The following AGBL1 variants were observed in gnomAD, a reference collection of about 807,000 sequenced individuals.
The protein encoded by AGBL1 is cytosolic carboxypeptidase 4.
Under a neutral mutation model 118.9 loss-of-function variants are expected in AGBL1, and 130 were observed. The observed-to-expected ratio is 1.09, with a 90% confidence interval of 0.95 to 1.26. The LOEUF (loss-of-function observed/expected upper bound fraction) is 1.26, where lower values mean the gene tolerates loss of function less well. Ranked by LOEUF, AGBL1 falls within the 50% of genes most tolerant of loss-of-function variation. The pLI, the probability that AGBL1 is intolerant of heterozygous loss-of-function variation, is 0.00. For missense variants in AGBL1, 1,584 were observed against 1,298.1 expected (o/e 1.22, Z -3.38); for synonymous variants, 555 against 478.9 (o/e 1.16, Z -2.08).
At chr15:86,898,188 G>A (rs572703791) in intron 22 of AGBL1, among the ~76,000 whole-genome samples, 49 of 152,244 alleles carry the variant, frequency 3.2e-4, no homozygotes, top group African/African-American at 1.0e-3. Flanking sequence ...ACATTTTTGG[G>A]AAATTTAGTA....
rs1896319963 is a variant in AGBL1, at chr15:86,095,646, C to CTTTTTTTTTTTTTTTTTTTTTTTTT, written c.51+15623_51+15624insTTTTTTTTTTTTTTTTTTTTTTTTT. Among the ~76,000 whole-genome samples the CTTTTTTTTTTTTTTTTTTTTTTTTT allele has an allele frequency of 3.4e-5, 4 of 116,684 alleles. 2 individuals are homozygous for CTTTTTTTTTTTTTTTTTTTTTTTTT. Among genetic ancestry groups the CTTTTTTTTTTTTTTTTTTTTTTTTT allele is most frequent in the Non-Finnish European group, 7.0e-5 (4 of 57,540 alleles). 76.5% of individuals were successfully genotyped at this position (116,684 alleles called of 152,430 possible). On this transcript the variant is annotated intron_variant, in intron 1 of 22. Transcript: ENST00000614907. ...TCATAATGTCACATGACCTTGGATACCTTTTTTTTTTTTTTTTTTTTTTTT... is the reference window on the plus strand; with the variant it reads ...TCATAATGTCACATGACCTTGGATACTTTTTTTTTTTTTTTTTTTTTTTTTCTTTTTTTTTTTTTTTTTTTTTTTT...
chr15:86,740,741 G>A lies in AGBL1; in HGVS notation c.3158+66305G>A, dbSNP rs187460220. Reference sequence around the variant, plus strand: ...AAGAAAAAGAAGGTGTTCTATTCAGGATCTTTTTACTGGCAAAGATAAGGA... The same window carrying A: ...AAGAAAAAGAAGGTGTTCTATTCAGAATCTTTTTACTGGCAAAGATAAGGA... On this transcript the variant is annotated intron_variant, in intron 22 of 22. Coordinates refer to ENST00000614907, the MANE Select transcript of AGBL1 (RefSeq NM_001386094.1). 3.6e-3 allele frequency among the ~76,000 whole-genome samples: 547 copies of A among 152,232 alleles called. 1 individual carries two copies. Among genetic ancestry groups the A allele is most frequent in the South Asian group, 0.01 (50 of 4,824 alleles).
At chr15:86,476,767 A>G (rs992535480) in intron 18 of AGBL1, among the ~76,000 whole-genome samples, 1 of 152,210 alleles carries the variant, frequency 6.6e-6, no homozygotes, top group Non-Finnish European at 1.5e-5. Context: ...CCCCAAATCA[A>G]CAGAATATAC....
Position 86,264,202 on chromosome 15 carries a change from G to T in AGBL1, c.1087-56G>T, listed in dbSNP as rs2079035283. On this transcript the variant is annotated intron_variant, in intron 10 of 22. Coordinates refer to ENST00000614907, the MANE Select transcript of AGBL1 (RefSeq NM_001386094.1). ...AGAGAGTAAGGACAGGGATCAAATT[G>T]TATTCCCTACCTGGAAGGACACACT... is the stretch of plus-strand genomic sequence containing the variant. 5 of 1,356,260 alleles carry T rather than the reference G, an allele frequency of 3.7e-6. No individual in the cohort carries two copies. In the East Asian group the frequency reaches 7.5e-5, roughly 20 times the overall value. 84.0% of individuals were successfully genotyped at this position (1,356,260 alleles called of 1,614,324 possible).
intron 21 of AGBL1, among the ~76,000 whole-genome samples, chr15:86,625,360 T>C (rs2084867187): frequency 7.9e-6 from 1 of 127,268 alleles, no homozygotes; most frequent in Middle Eastern, 3.9e-3. Flanking sequence ...GTAGAAGAAA[T>C]TAGCGTTTTT....
chr15:86,948,950 A>G (rs1020501898), intron 23 of AGBL1, among the ~76,000 whole-genome samples: 1 of 152,224 alleles, frequency 6.6e-6, no homozygotes, highest in Non-Finnish European at 1.5e-5. Context: ...TTGATGTAAC[A>G]TCTCTAACTG....
intron 6 of AGBL1, among the ~76,000 whole-genome samples, chr15:86,226,875 T>C (rs866896461): frequency 1.3e-5 from 2 of 152,192 alleles, no homozygotes; most frequent in African/African-American, 4.8e-5. Context: ...CTTGATTACA[T>C]TGTGATGAAA....
chr15:86,787,369 C>G (rs1237856642), intron 22 of AGBL1, among the ~76,000 whole-genome samples: 1 of 152,124 alleles, frequency 6.6e-6, no homozygotes, highest in Admixed American at 6.5e-5. Context: ...ATACTCTAGA[C>G]TTACTCATTC....
intron 17 of AGBL1, among the ~76,000 whole-genome samples, chr15:86,355,972 C>G (rs1182058332): frequency 6.6e-6 from 1 of 152,202 alleles, no homozygotes; most frequent in Non-Finnish European, 1.5e-5. Context: ...GCTTGCCTGT[C>G]TTCTTTTCAG....
intron 1 of AGBL1, among the ~76,000 whole-genome samples, chr15:86,102,483 A>G (rs1208669848): frequency 6.6e-6 from 1 of 152,132 alleles, no homozygotes; most frequent in East Asian, 1.9e-4. Flanking sequence ...TAGTGGTGAT[A>G]CCTTTTCTCA....
intron 17 of AGBL1, among the ~76,000 whole-genome samples, chr15:86,351,027 T>C (rs1451424167): frequency 6.6e-6 from 1 of 152,260 alleles, no homozygotes; most frequent in East Asian, 1.9e-4. Flanking sequence ...CTTAAATTTC[T>C]CTGGTCTGAC....
intron 17 of AGBL1, among the ~76,000 whole-genome samples, chr15:86,363,225 T>C (rs1305650327): frequency 4.6e-5 from 7 of 152,156 alleles, no homozygotes; most frequent in Admixed American, 4.6e-4. Flanking sequence ...CGGGGAATGA[T>C]TGCCAGATCA....
intron 17 of AGBL1, among the ~76,000 whole-genome samples, chr15:86,321,458 A>T (rs1367072002): frequency 6.6e-6 from 1 of 151,914 alleles, no homozygotes; most frequent in Non-Finnish European, 1.5e-5. Flanking sequence ...TTCATACCTT[A>T]TTCTTTTCTG....
intron 18 of AGBL1, among the ~76,000 whole-genome samples, chr15:86,429,381 A>C (rs1264998121): frequency 1.3e-5 from 2 of 152,188 alleles, no homozygotes; most frequent in African/African-American, 4.8e-5. Context: ...AGCAACATGG[A>C]CGTATGATGA....
intron 17 of AGBL1, among the ~76,000 whole-genome samples, chr15:86,351,975 T>A (rs958756209): frequency 6.6e-6 from 1 of 152,196 alleles, no homozygotes; most frequent in South Asian, 2.1e-4. Context: ...TTTATAGGAC[T>A]CCTCAGATAT....
At chr15:86,185,067 AAAAC>A (rs757692097) in intron 5 of AGBL1, among the ~76,000 whole-genome samples, 18 of 152,214 alleles carry the variant, frequency 1.2e-4, no homozygotes, top group African/African-American at 2.4e-4. Context: ...TTACAAGAAA[AAAAC>A]AACCCCATCA....
At chr15:86,799,736 A>G (rs1316921392) in intron 22 of AGBL1, among the ~76,000 whole-genome samples, 1 of 152,174 alleles carries the variant, frequency 6.6e-6, no homozygotes, top group Non-Finnish European at 1.5e-5. Context: ...ATTTGACTCC[A>G]CAAGCCATTT....
chr15:86,344,117 G>A (rs2141887340), intron 17 of AGBL1, among the ~76,000 whole-genome samples: 1 of 152,348 alleles, frequency 6.6e-6, no homozygotes, highest in Admixed American at 6.5e-5. Flanking sequence ...TGAGTTGAAT[G>A]AAATCTATTG....
chr15:86,159,764 G>A (rs1003952010), intron 5 of AGBL1, among the ~76,000 whole-genome samples: 5 of 152,018 alleles, frequency 3.3e-5, no homozygotes, highest in Non-Finnish European at 7.4e-5. Flanking sequence ...GGATCATTTG[G>A]CAAGTAACAT....
Sources: gnomAD v4.1 joint callset for allele counts (sites outside exome capture counted in the v4.1 genomes callset) on GRCh38, gnomAD v4.1.1 for gene constraint, MANE v1.5 for transcripts, NCBI Gene and HGNC (gene_info 2026-07-23, HGNC 2026-07-21) for gene names.